COBLL1: variants seen among roughly 807,000 people sequenced by gnomAD.
The protein encoded by COBLL1 is cordon-bleu WH2 repeat protein like 1, also known as cordon-bleu protein-like 1.
COBLL1 carries 50 observed loss-of-function variants against 94.8 expected under a neutral mutation model. The observed-to-expected ratio is 0.53, with a 90% CI of 0.42 to 0.67. The LOEUF is 0.67. Ranked by LOEUF, COBLL1 falls within the 30% of genes least tolerant of loss-of-function variation. The pLI, the probability that COBLL1 is intolerant of heterozygous loss-of-function variation, is 0.00. For missense variants in COBLL1, 1,362 were observed against 1,348.7 expected (o/e 1.01, Z -0.15); for synonymous variants, 448 against 473.8 (o/e 0.95, Z 0.71).
chr2:164,772,006 G>A (rs1574558414), intron 2 of COBLL1: 1 of 151,768 alleles, frequency 6.6e-6, no homozygotes, highest in Admixed American at 6.6e-5. Flanking sequence ...ATGCATAGTG[G>A]GAGTAAACAA....
chr2:164,722,331 A>T lies in COBLL1; in HGVS notation c.760-20T>A. On this transcript the variant is annotated intron_variant, in intron 6 of 13. Transcript: ENST00000652658. The stretch of plus-strand genomic sequence containing the variant: ...TGCAGTCTAGTAAAGAATGACAAAG[A>T]CAAAATCTAGTAATTTCAAGATATT... The T allele has an allele frequency of 1.9e-6, 3 of 1,593,292 alleles. No individual in the cohort carries two copies. Among genetic ancestry groups the T allele is most frequent in the Non-Finnish European group, 2.6e-6 (3 of 1,165,622 alleles).
chr2:164,743,649 G>A, intron 3 of COBLL1, 38 bp downstream of exon 3: 2 of 1,500,646 alleles, frequency 1.3e-6, no homozygotes, highest in Non-Finnish European at 1.9e-6. Context: ...GGTGGAATAA[G>A]AAGGGGAGGT....
At position 164,700,719 on chromosome 2, in the gene COBLL1, A is replaced by G; in HGVS notation, c.1263T>C (p.Asp421=). The G allele has an allele frequency of 6.2e-7, 1 of 1,612,238 alleles. No homozygotes were observed. The highest frequency in any genetic ancestry group is 8.5e-7 in the Non-Finnish European group (1 of 1,178,404). ...ISSDYSLEEI[D]EKEELSEVPK... ...GCACTTCACTCAGTTCTTCCTTTTCATCTATCTCTTCAAGGCTATAATCAG... is the reference window on the plus strand; with the variant it reads ...GCACTTCACTCAGTTCTTCCTTTTCGTCTATCTCTTCAAGGCTATAATCAG... The change falls in exon 10 of 14, where the codon GAT becomes GAC. Residue 421 remains aspartate (D), a synonymous_variant. Coordinates refer to ENST00000652658, the MANE Select transcript of COBLL1 (RefSeq NM_001365672.2).
chr2:164,695,959 T>A, intron 11 of COBLL1, 123 bp from the exon 12 acceptor site: 1 of 750,656 alleles, frequency 1.3e-6, no homozygotes, highest in Non-Finnish European at 2.1e-6. Flanking sequence ...TTCAACTCAC[T>A]GACTATATAA....
chr2:164,806,608 A>G (rs752614300), intron 2 of COBLL1, among the ~76,000 whole-genome samples: 4 of 152,270 alleles, frequency 2.6e-5, no homozygotes, highest in Non-Finnish European at 2.9e-5. Context: ...ATGACCCCAG[A>G]GCCTTTGGAG....
chr2:164,687,213 C>CTTTTTTTTTTTTTTTTTTTTTTTTT (rs879090827), intron 13 of COBLL1: 3 of 317,718 alleles, frequency 9.4e-6, no homozygotes, highest in African/African-American at 7.1e-5. Context: ...GACTTTCTTT[C>CTTTTTTTTTTTTTTTTTTTTTTTTT]TTTTTTTTTT....
At chr2:164,748,778 C>A (rs1686991000) in intron 2 of COBLL1, among the ~76,000 whole-genome samples, 1 of 152,060 alleles carries the variant, frequency 6.6e-6, no homozygotes, top group Non-Finnish European at 1.5e-5. Flanking sequence ...AATAAGAAAA[C>A]TCCCCCACAT....
chr2:164,725,683 T>C (rs1685692351), intron 5 of COBLL1, among the ~76,000 whole-genome samples: 1 of 152,104 alleles, frequency 6.6e-6, no homozygotes, highest in Non-Finnish European at 1.5e-5. Context: ...CCTCCCAAAG[T>C]GTTGGAATGA....
intron 1 of COBLL1, among the ~76,000 whole-genome samples, chr2:164,675,031 G>GA (rs1166499970): frequency 6.6e-6 from 1 of 152,000 alleles, no homozygotes; most frequent in Non-Finnish European, 1.5e-5. Context: ...AAAGTTTCAA[G>GA]AAAACAATCT....
At chr2:164,731,264 A>T (rs1242357583) in intron 3 of COBLL1, among the ~76,000 whole-genome samples, 1 of 152,224 alleles carries the variant, frequency 6.6e-6, no homozygotes, top group Non-Finnish European at 1.5e-5. Context: ...AGAACATAAA[A>T]TTGAAATAAA....
chr2:164,831,566 A>G (rs1400708511), intron 2 of COBLL1, among the ~76,000 whole-genome samples: 1 of 151,844 alleles, frequency 6.6e-6, no homozygotes, highest in African/African-American at 2.4e-5. Flanking sequence ...TAAAGCACCT[A>G]GCTGCCATCT....
intron 2 of COBLL1, among the ~76,000 whole-genome samples, chr2:164,807,131 A>G (rs901456221): frequency 2.0e-5 from 3 of 152,086 alleles, no homozygotes; most frequent in African/African-American, 7.2e-5. Context: ...CAAGAAGTCT[A>G]TTTTGACCTT....
intron 2 of COBLL1, among the ~76,000 whole-genome samples, chr2:164,789,191 T>TCAAAA (rs1683046853): frequency 1.3e-5 from 2 of 151,862 alleles, no homozygotes; most frequent in South Asian, 4.2e-4. Flanking sequence ...AGATCTTGTC[T>TCAAAA]CAAAACAAAA....
intron 2 of COBLL1, among the ~76,000 whole-genome samples, chr2:164,773,456 C>T (rs1479059026): frequency 6.6e-6 from 1 of 151,974 alleles, no homozygotes; most frequent in Admixed American, 6.6e-5. Flanking sequence ...CATGTATATA[C>T]ATTTAATCAT....
intron 9 of COBLL1, chr2:164,703,035 A>C (rs1255586840): frequency 1.1e-6 from 1 of 872,122 alleles, no homozygotes; most frequent in East Asian, 2.5e-5. Context: ...TAGCTCATCA[A>C]ATTTACAGTC....
rs1232571255 is a variant in COBLL1, at chr2:164,692,633, T to C, written c.3124-236A>G. On this transcript the variant is annotated intron_variant, in intron 12 of 13. Coordinates refer to ENST00000652658, the MANE Select transcript of COBLL1 (RefSeq NM_001365672.2). ...AGCCAAAGAAGAAAAGTGGTACCACTCTTTGCTTCATAAATACAGTGGTAA... is the reference window on the plus strand; with the variant it reads ...AGCCAAAGAAGAAAAGTGGTACCACCCTTTGCTTCATAAATACAGTGGTAA... 3 of 371,350 alleles carry C rather than the reference T, an allele frequency of 8.1e-6. No individual in the cohort carries two copies. In the East Asian group the frequency reaches 1.5e-4, roughly 18 times the overall value. The allele number at this position is 371,350 out of a possible 1,614,324, so 23.0% of individuals were successfully genotyped here.
intron 2 of COBLL1, among the ~76,000 whole-genome samples, chr2:164,800,089 A>G (rs1683685978): frequency 6.6e-6 from 1 of 152,212 alleles, no homozygotes; most frequent in Non-Finnish European, 1.5e-5. Context: ...GATTTTATCA[A>G]AATTAAAAAC....
At position 164,704,961 on chromosome 2, in the gene COBLL1, G is replaced by T. The variant is rs778472560; in HGVS notation, c.1141C>A (p.Arg381Ser). Residue 381 changes from arginine (R) to serine (S), a missense_variant, in exon 8 of 14, where the codon CGT becomes AGT. Physicochemically the swap from Arg to Ser is moderately radical, Grantham distance 110. Transcript: ENST00000652658. ...IPPHQSDENS[R>S]VTALQPVDGV... The stretch of plus-strand genomic sequence containing the variant: ...GAAACAACCACATTACCAGTCACAC[G>T]ACTATTTTCATCACTTTGATGCGGG... The T allele has an allele frequency of 1.5e-5, 24 of 1,581,196 alleles. No homozygotes were observed. The South Asian group carries it at 2.7e-4, about 18-fold the overall frequency.
intron 2 of COBLL1, among the ~76,000 whole-genome samples, chr2:164,768,101 C>G (rs1315912789): frequency 2.0e-5 from 3 of 152,126 alleles, no homozygotes; most frequent in African/African-American, 7.2e-5. Flanking sequence ...GAACTGTGAT[C>G]CATACACTGA....
Sources: allele counts gnomAD v4.1 joint callset (sites outside exome capture counted in the v4.1 genomes callset), GRCh38; gene constraint gnomAD v4.1.1; transcripts MANE v1.5; gene names NCBI Gene and HGNC (gene_info 2026-07-23, HGNC 2026-07-21).